ENTREP2: variants seen among roughly 807,000 people sequenced by gnomAD.
The protein encoded by ENTREP2 is protein ENTREP2.
chr15:29,241,684 T>G, the ENTREP2 span, among the ~76,000 whole-genome samples: 1 of 152,222 alleles, frequency 6.6e-6, no homozygotes, highest in Non-Finnish European at 1.5e-5. Context: ...TCTGTTATGC[T>G]TTCATTTAAA....
At chr15:29,444,435 A>G in the ENTREP2 span, among the ~76,000 whole-genome samples, 1 of 150,800 alleles carries the variant, frequency 6.6e-6, no homozygotes, top group South Asian at 2.1e-4. Flanking sequence ...TGGCATAGTG[A>G]GTCTGGGGTC....
the ENTREP2 span, among the ~76,000 whole-genome samples, chr15:29,592,310 G>A: frequency 2.0e-5 from 3 of 152,158 alleles, no homozygotes; most frequent in African/African-American, 7.2e-5. Flanking sequence ...AGGAGACAAG[G>A]GGCCTGTCTT....
the ENTREP2 span, among the ~76,000 whole-genome samples, chr15:29,355,706 T>C: frequency 6.6e-5 from 10 of 152,284 alleles, no homozygotes; most frequent in African/African-American, 1.4e-4. Context: ...CAAATTACTC[T>C]TACATTGAAA....
the ENTREP2 span, among the ~76,000 whole-genome samples, chr15:29,309,897 C>T: frequency 1.3e-5 from 2 of 152,054 alleles, no homozygotes; most frequent in African/African-American, 4.8e-5. Flanking sequence ...CATGCATGGC[C>T]CTCAGGAAAT....
chr15:29,254,216 C>T, the ENTREP2 span, among the ~76,000 whole-genome samples: 1 of 139,524 alleles, frequency 7.2e-6, no homozygotes, highest in Non-Finnish European at 1.5e-5. Context: ...GTCTAATGCA[C>T]ACTTCAGGGT....
the ENTREP2 span, among the ~76,000 whole-genome samples, chr15:29,652,130 G>C: frequency 0.052 from 7,962 of 152,252 alleles, 239 homozygotes; most frequent in South Asian, 0.065. Context: ...ACCAGCTGCA[G>C]AGAGAGCCTT....
At chr15:29,341,871 C>T in the ENTREP2 span, among the ~76,000 whole-genome samples, 1 of 152,160 alleles carries the variant, frequency 6.6e-6, no homozygotes, top group Admixed American at 6.5e-5. Flanking sequence ...ATGAAGTCAG[C>T]AGCTTGAGCA....
At chr15:29,425,129 C>T in the ENTREP2 span, among the ~76,000 whole-genome samples, 74 of 152,154 alleles carry the variant, frequency 4.9e-4, no homozygotes, top group Admixed American at 1.9e-3. Flanking sequence ...CCAGGGTTCA[C>T]GCCATTCTCC....
the ENTREP2 span, among the ~76,000 whole-genome samples, chr15:29,370,419 C>T: frequency 6.6e-6 from 1 of 152,028 alleles, no homozygotes; most frequent in African/African-American, 2.4e-5. Flanking sequence ...TTCAAGAATA[C>T]AGAACAATTA....
chr15:29,124,942 C>T, the ENTREP2 span, among the ~76,000 whole-genome samples: 4 of 152,228 alleles, frequency 2.6e-5, no homozygotes, highest in Admixed American at 6.5e-5. Flanking sequence ...CCAGGCCTGC[C>T]GTGGGTCAAG....
At chr15:29,397,178 G>T in the ENTREP2 span, among the ~76,000 whole-genome samples, 1 of 152,130 alleles carries the variant, frequency 6.6e-6, no homozygotes, top group African/African-American at 2.4e-5. Context: ...ATCACTTGAG[G>T]TCAGGAGCTC....
the ENTREP2 span, among the ~76,000 whole-genome samples, chr15:29,650,362 G>A: frequency 4.6e-5 from 7 of 152,292 alleles, no homozygotes; most frequent in Admixed American, 2.6e-4. Context: ...GGAGGCTGAG[G>A]TGGGTGGATC....
At chr15:29,594,245 A>G in the ENTREP2 span, among the ~76,000 whole-genome samples, 1 of 152,166 alleles carries the variant, frequency 6.6e-6, no homozygotes, top group Non-Finnish European at 1.5e-5. Context: ...CACTCTTGGG[A>G]CAAGCCAGGA....
the ENTREP2 span, among the ~76,000 whole-genome samples, chr15:29,264,407 G>A: frequency 1.3e-5 from 2 of 152,126 alleles, no homozygotes; most frequent in Admixed American, 6.5e-5. Context: ...CCTTAAAGGA[G>A]AAAACTCTGC....
At chr15:29,667,308 C>T in the ENTREP2 span, among the ~76,000 whole-genome samples, 3 of 151,586 alleles carry the variant, frequency 2.0e-5, no homozygotes, top group Non-Finnish European at 4.4e-5. Context: ...CTGCCTCAGC[C>T]TCCCGAGTAG....
the ENTREP2 span, among the ~76,000 whole-genome samples, chr15:29,240,052 A>C: frequency 1.3e-5 from 2 of 152,232 alleles, no homozygotes; most frequent in African/African-American, 4.8e-5. Context: ...TAAGCTCCCC[A>C]AAAAGCATGT....
At chr15:29,364,646 A>C in the ENTREP2 span, among the ~76,000 whole-genome samples, 5 of 152,244 alleles carry the variant, frequency 3.3e-5, no homozygotes, top group Non-Finnish European at 5.9e-5. Flanking sequence ...TGTGGGAGAC[A>C]GAGATAGATC....
the ENTREP2 span, among the ~76,000 whole-genome samples, chr15:29,514,869 T>A: frequency 6.6e-6 from 1 of 152,196 alleles, no homozygotes; most frequent in East Asian, 1.9e-4. Context: ...GGCTCTGTTT[T>A]CAGAGGCACT....
chr15:29,587,785 A>C, the ENTREP2 span, among the ~76,000 whole-genome samples: 1 of 152,090 alleles, frequency 6.6e-6, no homozygotes, highest in Non-Finnish European at 1.5e-5. Flanking sequence ...CAGTCTCCCG[A>C]GTAGCTGGGA....
Sources: allele counts gnomAD v4.1 joint callset (sites outside exome capture counted in the v4.1 genomes callset), GRCh38; gene constraint gnomAD v4.1.1; transcripts MANE v1.5; gene names NCBI Gene and HGNC (gene_info 2026-07-23, HGNC 2026-07-21).